OPCML: variants seen among roughly 807,000 people sequenced by gnomAD.
OPCML encodes opioid binding protein/cell adhesion molecule like.
OPCML carries 13 observed loss-of-function variants against 37.8 expected under a neutral mutation model. The ratio of observed to expected loss-of-function variants is 0.34; its 90% CI spans 0.22 to 0.55. OPCML has a LOEUF of 0.55. Among genes scored for constraint, OPCML ranks in the 20% least tolerant of loss-of-function variants. The pLI, the probability that OPCML is intolerant of heterozygous loss-of-function variation, is 0.91. For missense variants in OPCML, 341 were observed against 435.6 expected (o/e 0.78, Z 1.93); for synonymous variants, 176 against 168.8 (o/e 1.04, Z -0.33).
chr11:133,438,217 T>C (rs1303644463), intron 1 of OPCML, among the ~76,000 whole-genome samples: 3 of 152,106 alleles, frequency 2.0e-5, no homozygotes, highest in Non-Finnish European at 2.9e-5. Context: ...TATTCTTATG[T>C]AAGAGGAGGA....
intron 1 of OPCML, among the ~76,000 whole-genome samples, chr11:133,220,412 C>G (rs1939766886): frequency 6.6e-6 from 1 of 152,140 alleles, no homozygotes; most frequent in Non-Finnish European, 1.5e-5. Context: ...TCTGCTATTC[C>G]ACATGAAGGC....
intron 1 of OPCML, among the ~76,000 whole-genome samples, chr11:133,383,825 G>A (rs1944982234): frequency 6.6e-6 from 1 of 152,136 alleles, no homozygotes; most frequent in South Asian, 2.1e-4. Flanking sequence ...AATGTTTCTA[G>A]TCTCATAGTT....
chr11:132,643,568 C>T (rs903650612), intron 3 of OPCML, among the ~76,000 whole-genome samples: 3 of 152,186 alleles, frequency 2.0e-5, no homozygotes, highest in African/African-American at 7.2e-5. Flanking sequence ...CTCGACCTTC[C>T]TCTGCTTCCT....
intron 1 of OPCML, among the ~76,000 whole-genome samples, chr11:133,219,062 T>C (rs1939705263): frequency 6.6e-6 from 1 of 152,228 alleles, no homozygotes; most frequent in Non-Finnish European, 1.5e-5. Context: ...AGACTTCCTG[T>C]GTCTCTGACC....
At chr11:133,453,196 A>T (rs1946612223) in intron 1 of OPCML, among the ~76,000 whole-genome samples, 1 of 152,200 alleles carries the variant, frequency 6.6e-6, no homozygotes, top group Non-Finnish European at 1.5e-5. Context: ...ATCAAAAATA[A>T]ATTAAATAAA....
At chr11:133,054,514 C>A (rs1055971572) in intron 1 of OPCML, among the ~76,000 whole-genome samples, 3 of 152,242 alleles carry the variant, frequency 2.0e-5, no homozygotes, top group African/African-American at 2.4e-5. Context: ...CCCAGGGCTG[C>A]TCCTCACAGA....
intron 2 of OPCML, among the ~76,000 whole-genome samples, chr11:132,681,879 C>T (rs1380217544): frequency 1.3e-5 from 2 of 151,778 alleles, no homozygotes; most frequent in East Asian, 1.9e-4. Context: ...GGCGTGAACC[C>T]GGGAGGTGGA....
intron 1 of OPCML, among the ~76,000 whole-genome samples, chr11:133,040,978 G>A (rs1947882130): frequency 6.6e-6 from 1 of 152,190 alleles, no homozygotes; most frequent in African/African-American, 2.4e-5. Context: ...AAGGAATCAG[G>A]AAGCTTTATG....
chr11:132,982,928 A>C (rs1245467796), intron 1 of OPCML, among the ~76,000 whole-genome samples: 1 of 152,198 alleles, frequency 6.6e-6, no homozygotes, highest in Non-Finnish European at 1.5e-5. Context: ...TGTAAATCAC[A>C]GAGTTGATAC....
rs187341086 is a variant in OPCML, at chr11:133,307,472, C to T, written c.61+224792G>A. On this transcript the variant is annotated intron_variant, in intron 1 of 7. Coordinates refer to ENST00000524381, the MANE Select transcript of OPCML (RefSeq NM_001012393.5). ...TAATACATATATAAAAGAGTACCCACGGAAAAGACTAATGTAGACAAAATT... is the reference window on the plus strand; with the variant it reads ...TAATACATATATAAAAGAGTACCCATGGAAAAGACTAATGTAGACAAAATT... Among the ~76,000 whole-genome samples, 206 of 152,262 alleles carry T rather than the reference C, an allele frequency of 1.4e-3. 2 individuals are homozygous for T. Among genetic ancestry groups the T allele is most frequent in the Non-Finnish European group, 2.1e-3 (140 of 68,010 alleles).
At chr11:133,392,657 C>T (rs1945197752) in intron 1 of OPCML, among the ~76,000 whole-genome samples, 1 of 152,030 alleles carries the variant, frequency 6.6e-6, no homozygotes, top group Non-Finnish European at 1.5e-5. Flanking sequence ...AAGGAGTTGC[C>T]CTTTAAACTG....
chr11:132,662,412 CAA>C (rs57243826), intron 2 of OPCML, among the ~76,000 whole-genome samples: 114 of 119,912 alleles, frequency 9.5e-4, no homozygotes, highest in African/African-American at 2.5e-3. Context: ...TTTGAAAATG[CAA>C]AAAAAAAAAA....
At chr11:132,799,340 C>T (rs1314665016) in intron 2 of OPCML, among the ~76,000 whole-genome samples, 1 of 152,124 alleles carries the variant, frequency 6.6e-6, no homozygotes, top group Non-Finnish European at 1.5e-5. Context: ...TGGTTTCTTT[C>T]CTTAAATCTC....
At chr11:133,529,956 C>T (rs142934920) in intron 1 of OPCML, among the ~76,000 whole-genome samples, 12 of 152,278 alleles carry the variant, frequency 7.9e-5, no homozygotes, top group African/African-American at 2.2e-4. Flanking sequence ...AACTTTTTCT[C>T]CTCCCCGTTC....
At chr11:133,086,560 G>C (rs1020843109) in intron 1 of OPCML, among the ~76,000 whole-genome samples, 1 of 152,138 alleles carries the variant, frequency 6.6e-6, no homozygotes, top group Non-Finnish European at 1.5e-5. Flanking sequence ...GATAAAGATT[G>C]AATATATTCA....
chr11:132,468,677 T>G (rs2096126721), intron 4 of OPCML, among the ~76,000 whole-genome samples: 1 of 152,224 alleles, frequency 6.6e-6, no homozygotes, highest in Non-Finnish European at 1.5e-5. Context: ...AAACATTACT[T>G]TATTGTTCTA....
intron 2 of OPCML, among the ~76,000 whole-genome samples, chr11:132,689,122 G>T (rs1218399621): frequency 6.6e-6 from 1 of 152,146 alleles, no homozygotes; most frequent in Admixed American, 6.5e-5. Flanking sequence ...GTTTCAGTCT[G>T]TGAGGCAGGG....
intron 1 of OPCML, among the ~76,000 whole-genome samples, chr11:133,167,129 T>A (rs930623073): frequency 6.6e-6 from 1 of 152,146 alleles, no homozygotes; most frequent in Non-Finnish European, 1.5e-5. Context: ...TCTGTAAAAA[T>A]GAGAGGATTC....
At chr11:133,017,350 T>C (rs1947352970) in intron 1 of OPCML, among the ~76,000 whole-genome samples, 1 of 152,142 alleles carries the variant, frequency 6.6e-6, no homozygotes, top group Admixed American at 6.5e-5. Context: ...AATTCTTAGG[T>C]AATTTAATGT....
Sources: allele counts gnomAD v4.1 joint callset (sites outside exome capture counted in the v4.1 genomes callset), GRCh38; gene constraint gnomAD v4.1.1; transcripts MANE v1.5; gene names NCBI Gene and HGNC (gene_info 2026-07-23, HGNC 2026-07-21).